The following KAZN variants were observed in gnomAD, a reference collection of about 807,000 sequenced individuals.
KAZN encodes kazrin.
A neutral mutation model predicts 87.4 loss-of-function variants in KAZN; 40 were observed. The ratio of observed to expected loss-of-function variants is 0.46; its 90% CI spans 0.36 to 0.60. The LOEUF (loss-of-function observed/expected upper bound fraction) is 0.60, where lower values mean the gene tolerates loss of function less well. Among genes scored for constraint, KAZN ranks in the 20% least tolerant of loss-of-function variants. The probability of loss-of-function intolerance (pLI) is 0.00; values close to 1 mark genes in which losing one functional copy is unlikely to be tolerated. For missense variants in KAZN, 898 were observed against 1,073.9 expected (o/e 0.84, Z 2.29); for synonymous variants, 466 against 458.3 (o/e 1.02, Z -0.22).
intron 2 of KAZN, among the ~76,000 whole-genome samples, chr1:15,008,378 C>G (rs540671939): frequency 6.6e-6 from 1 of 152,318 alleles, no homozygotes; most frequent in African/African-American, 2.4e-5. Context: ...CCTTGCTGCT[C>G]ACTGGCAGGC....
intron 5 of KAZN, among the ~76,000 whole-genome samples, chr1:15,059,644 C>T (rs1167422457): frequency 1.3e-5 from 2 of 151,864 alleles, no homozygotes; most frequent in African/African-American, 2.4e-5. Flanking sequence ...CTGCTGCTGC[C>T]GATTGGATGT....
chr1:14,056,021 T>C (rs1188659999), intron 1 of KAZN, among the ~76,000 whole-genome samples: 1 of 152,176 alleles, frequency 6.6e-6, no homozygotes, highest in Non-Finnish European at 1.5e-5. Context: ...AATTTCTAGT[T>C]TCTGCACTTT....
At chr1:14,590,028 G>C (rs887940411) in intron 2 of KAZN, among the ~76,000 whole-genome samples, 2 of 152,032 alleles carry the variant, frequency 1.3e-5, no homozygotes, top group African/African-American at 2.4e-5. Context: ...AAGGCGTCCT[G>C]AGATGCCTGA....
chr1:14,893,722 G>A (rs561264637), intron 1 of KAZN, among the ~76,000 whole-genome samples: 1 of 152,178 alleles, frequency 6.6e-6, no homozygotes. Context: ...TCAGAGGTCA[G>A]AGTGGGCAGA....
intron 1 of KAZN, among the ~76,000 whole-genome samples, chr1:14,633,989 G>C (rs1679777288): frequency 1.3e-5 from 2 of 152,068 alleles, no homozygotes; most frequent in African/African-American, 4.8e-5. Flanking sequence ...TGGTGCCCTG[G>C]TGCCTACCTG....
At chr1:14,493,625 GC>G (rs1170810637) in intron 2 of KAZN, among the ~76,000 whole-genome samples, 1 of 152,134 alleles carries the variant, frequency 6.6e-6, no homozygotes, top group Non-Finnish European at 1.5e-5. Context: ...TGGAAATGGT[GC>G]CCCTTTCATT....
At position 15,099,887 on chromosome 1, in the gene KAZN, T is replaced by C. The variant is rs547094480; in HGVS notation, c.1548-1656T>C. Among the ~76,000 whole-genome samples the C allele has an allele frequency of 7.9e-5, 12 of 152,162 alleles. No homozygotes were observed. Among genetic ancestry groups the C allele is most frequent in the Non-Finnish European group, 8.8e-5 (6 of 68,000 alleles). The stretch of plus-strand genomic sequence containing the variant: ...GGAAAGGAGAGAAGTGGACAGAGGA[T>C]GCACTGACCAGAGTGACCGACAGAC... On this transcript the variant is annotated intron_variant, in intron 10 of 14. Coordinates refer to ENST00000376030, the MANE Select transcript of KAZN (RefSeq NM_201628.3). This position sits in a 1 kb window ranked among gnomAD's most constrained non-coding sequence, Gnocchi z 5.4.
At chr1:14,930,130 T>G (rs1257391801) in intron 1 of KAZN, 2 of 946,682 alleles carry the variant, frequency 2.1e-6, no homozygotes, top group East Asian at 2.3e-4. Context: ...GGGCTCTGGG[T>G]GGGGCCCGTC....
At position 14,598,698 on chromosome 1, in the gene KAZN, C is replaced by CTCTCGGCGCCCGCCCGCCGGGG; in HGVS notation, c.-291_-270dup. 1 of 1,312,706 alleles carries CTCTCGGCGCCCGCCCGCCGGGG rather than the reference C, an allele frequency of 7.6e-7. No individual in the cohort carries two copies. Among genetic ancestry groups the CTCTCGGCGCCCGCCCGCCGGGG allele is most frequent in the Non-Finnish European group, 9.6e-7 (1 of 1,038,804 alleles). 81.3% of individuals were successfully genotyped at this position (1,312,706 alleles called of 1,614,324 possible). A position where few individuals can be genotyped will look rare whatever the true frequency, so the allele number is the denominator to read the frequency against. On this transcript the variant is annotated 5_prime_UTR_variant, in exon 1 of 15. Transcript: ENST00000376030. The surrounding 1 kb of genome is among the most constrained non-coding windows in gnomAD (Gnocchi z 4.2). ...GCGCGCGGTGTCCTTCTTGGAGCAG[C>CTCTCGGCGCCCGCCCGCCGGGG]TCTCGGCGCCCGCCCGCCGGGGTCT...
At chr1:14,636,378 G>A (rs533322643) in intron 1 of KAZN, among the ~76,000 whole-genome samples, 1 of 152,358 alleles carries the variant, frequency 6.6e-6, no homozygotes, top group East Asian at 1.9e-4. Flanking sequence ...TGGAGAGAGT[G>A]TTGTCTGACC....
chr1:14,511,184 A>T (rs1670885045), intron 2 of KAZN, among the ~76,000 whole-genome samples: 1 of 152,198 alleles, frequency 6.6e-6, no homozygotes, highest in South Asian at 2.1e-4. Flanking sequence ...GGAAACCAGA[A>T]ATAGCAGACA....
At chr1:14,147,865 A>T (rs1362478765) in intron 1 of KAZN, among the ~76,000 whole-genome samples, 1 of 151,874 alleles carries the variant, frequency 6.6e-6, no homozygotes, top group Non-Finnish European at 1.5e-5. Flanking sequence ...CCTGGTACAT[A>T]AGAGGTTTTT....
chr1:15,034,954 A>G, intron 3 of KAZN, 69 bp downstream of exon 3: 1 of 1,524,964 alleles, frequency 6.6e-7, no homozygotes, highest in Non-Finnish European at 8.9e-7. Context: ...CTGGCTGGCC[A>G]CCTTCACAGG....
chr1:14,157,073 G>A (rs1296143408), intron 1 of KAZN, among the ~76,000 whole-genome samples: 1 of 151,874 alleles, frequency 6.6e-6, no homozygotes, highest in African/African-American at 2.4e-5. Flanking sequence ...ATTTTAAGCT[G>A]ATAACAGCAC....
intron 2 of KAZN, among the ~76,000 whole-genome samples, chr1:14,431,467 G>C (rs567018474): frequency 2.0e-5 from 3 of 152,208 alleles, no homozygotes; most frequent in Non-Finnish European, 4.4e-5. Context: ...GCTAATGTTA[G>C]ATGTCCACTT....
chr1:14,465,113 C>T (rs1668047955), intron 2 of KAZN, among the ~76,000 whole-genome samples: 1 of 152,056 alleles, frequency 6.6e-6, no homozygotes. Context: ...AAGACAGCTT[C>T]ACCCAGCCAG....
At chr1:14,296,634 T>TC (rs1654141613) in intron 2 of KAZN, among the ~76,000 whole-genome samples, 1 of 142,634 alleles carries the variant, frequency 7.0e-6, no homozygotes, top group East Asian at 2.0e-4. Flanking sequence ...TATTTCTTTT[T>TC]TTTTTTTTTT....
intron 1 of KAZN, among the ~76,000 whole-genome samples, chr1:14,675,149 C>T (rs927907534): frequency 1.3e-5 from 2 of 152,200 alleles, no homozygotes; most frequent in African/African-American, 2.4e-5. Context: ...TTTATTCCTC[C>T]TACCAAGGAT....
At chr1:14,822,527 T>C (rs1490434699) in intron 1 of KAZN, among the ~76,000 whole-genome samples, 1 of 152,172 alleles carries the variant, frequency 6.6e-6, no homozygotes, top group East Asian at 1.9e-4. Context: ...AATTGGAGGC[T>C]GGGGAGCCGC....
Sources: allele counts gnomAD v4.1 joint callset (sites outside exome capture counted in the v4.1 genomes callset), GRCh38; gene constraint gnomAD v4.1.1; non-coding constraint Gnocchi (gnomAD v3.1); transcripts MANE v1.5; gene names NCBI Gene and HGNC (gene_info 2026-07-23, HGNC 2026-07-21).